The following HMCN1 variants were observed in gnomAD, a reference collection of about 807,000 sequenced individuals.
HMCN1 encodes hemicentin 1.
A neutral mutation model predicts 625.9 loss-of-function variants in HMCN1; 321 were observed. The observed-to-expected ratio is 0.51, with a 90% CI of 0.47 to 0.56. The LOEUF (loss-of-function observed/expected upper bound fraction) is 0.56. Among genes scored for constraint, HMCN1 ranks in the 20% least tolerant of loss-of-function variants. The probability of loss-of-function intolerance (pLI) is 0.00; values close to 1 mark genes in which losing one functional copy is unlikely to be tolerated. For synonymous variants in HMCN1, 2,425 were observed against 2,417.6 expected, an observed-to-expected ratio of 1.00 and a Z score of -0.09; for missense variants, 6,588 against 6,887.3, an observed-to-expected ratio of 0.96 and a Z score of 1.54.
At chr1:185,743,982 GTTTTTTTTTTTTTT>G (rs1214723950) in intron 1 of HMCN1, among the ~76,000 whole-genome samples, 2 of 88,140 alleles carry the variant, frequency 2.3e-5, no homozygotes, top group Non-Finnish European at 4.4e-5. Flanking sequence ...TTACTGTTTT[GTTTTTTTTTTTTTT>G]TTTTTTTTTT....
Position 186,119,993 on chromosome 1 carries a change from T to A in HMCN1, c.12095-18T>A, listed in dbSNP as rs777551654. The A allele has an allele frequency of 6.2e-7, 1 of 1,613,914 alleles. No individual in the cohort carries two copies. Among genetic ancestry groups the A allele is most frequent in the Admixed American group, 1.7e-5 (1 of 59,990 alleles). On this transcript the variant is annotated intron_variant, in intron 79 of 106. Transcript: ENST00000271588. ...GGCTTTTTTTTTTCCCCACTCTGCTTTTGTAACTATGTTGTAGGCAGAAAC... is the reference window on the plus strand; with the variant it reads ...GGCTTTTTTTTTTCCCCACTCTGCTATTGTAACTATGTTGTAGGCAGAAAC...
chr1:185,745,086 T>G (rs1053471117), intron 1 of HMCN1, among the ~76,000 whole-genome samples: 1 of 152,138 alleles, frequency 6.6e-6, no homozygotes, highest in African/African-American at 2.4e-5. Context: ...AGGTTAAAAT[T>G]TGAAATTAGC....
chr1:185,912,372 C>T (rs1341806084), intron 6 of HMCN1, among the ~76,000 whole-genome samples: 1 of 152,054 alleles, frequency 6.6e-6, no homozygotes, highest in Non-Finnish European at 1.5e-5. Context: ...TATTCATTTT[C>T]TTCTTTAGCA....
intron 6 of HMCN1, among the ~76,000 whole-genome samples, chr1:185,914,845 C>T (rs1666612946): frequency 6.6e-6 from 1 of 151,454 alleles, no homozygotes; most frequent in Non-Finnish European, 1.5e-5. Flanking sequence ...GTCTCTTTTT[C>T]TATAGACCAG....
chr1:185,769,244 T>C (rs1162978731), intron 1 of HMCN1, among the ~76,000 whole-genome samples: 2 of 152,028 alleles, frequency 1.3e-5, no homozygotes, highest in Non-Finnish European at 2.9e-5. Flanking sequence ...GCCCAGGAGC[T>C]TAAGACCAGC....
At chr1:186,005,219 A>G (rs1233513573) in intron 29 of HMCN1, among the ~76,000 whole-genome samples, 11 of 127,406 alleles carry the variant, frequency 8.6e-5, no homozygotes, top group African/African-American at 3.2e-4. Flanking sequence ...AAATGTTTAT[A>G]AACAATTTTT....
In HMCN1 at chr1:186,178,625, C is replaced by T. The variant is rs758362934; in HGVS notation, c.16153C>T (p.Gln5385Ter). 6.2e-7 allele frequency: 1 copy of T among 1,614,134 alleles called. No individual in the cohort carries two copies. The highest frequency in any genetic ancestry group is 8.5e-7 in the Non-Finnish European group (1 of 1,179,982). Reference protein sequence around the residue: ...FSPVRNNYQPQQHYRQYSHLY... With the variant: ...FSPVRNNYQP Reference sequence around the variant, plus strand: ...CCCTGTGAGAAACAACTATCAACCTCAACAGCATTACAGACAGTACTCACA... The same window carrying T: ...CCCTGTGAGAAACAACTATCAACCTTAACAGCATTACAGACAGTACTCACA... Residue 5385 changes from glutamine to a stop codon, truncating the protein, a stop_gained, in exon 104 of 107, where the codon CAA becomes TAA. Coordinates refer to ENST00000271588, the MANE Select transcript of HMCN1 (RefSeq NM_031935.3). LOFTEE classifies it high-confidence loss of function.
chr1:185,863,623 G>A (rs961258482), intron 2 of HMCN1, among the ~76,000 whole-genome samples: 3 of 152,124 alleles, frequency 2.0e-5, no homozygotes, highest in African/African-American at 4.8e-5. Flanking sequence ...GTATAAAAGT[G>A]TAAATACAGC....
At chr1:186,146,335 G>A (rs1017950380) in intron 93 of HMCN1, among the ~76,000 whole-genome samples, 19 of 152,200 alleles carry the variant, frequency 1.2e-4, no homozygotes, top group Admixed American at 9.8e-4. Flanking sequence ...TGAGGAGAAA[G>A]AATAAGAGGA....
intron 11 of HMCN1, among the ~76,000 whole-genome samples, chr1:185,946,475 C>T (rs184074436): frequency 1.3e-3 from 204 of 152,318 alleles, no homozygotes; most frequent in Non-Finnish European, 2.5e-3. Context: ...TGATTTGCCA[C>T]TCTTTTCTAA....
At chr1:186,064,794 A>G (rs1364945433) in intron 48 of HMCN1, among the ~76,000 whole-genome samples, 3 of 130,660 alleles carry the variant, frequency 2.3e-5, no homozygotes, top group Non-Finnish European at 4.6e-5. Flanking sequence ...TGGGTCACAG[A>G]GTGAGACTTC....
intron 7 of HMCN1, 43 bp from the exon 8 acceptor site, chr1:185,923,347 T>C: frequency 6.8e-7 from 1 of 1,475,214 alleles, no homozygotes; most frequent in Non-Finnish European, 9.4e-7. Context: ...ATAACTTCAA[T>C]TGCTTGTTTC....
intron 1 of HMCN1, among the ~76,000 whole-genome samples, chr1:185,803,204 G>GCAAAAAAAAAAAAAAAAA (rs1658921582): frequency 4.2e-5 from 1 of 23,716 alleles, no homozygotes; most frequent in African/African-American, 2.0e-4. Context: ...AAAAAAAAAA[G>GCAAAAAAAAAAAAAAAAA]CAAAAAAAAA....
chr1:186,124,164 T>G (rs1661531609), intron 81 of HMCN1, among the ~76,000 whole-genome samples: 1 of 152,164 alleles, frequency 6.6e-6, no homozygotes, highest in African/African-American at 2.4e-5. Flanking sequence ...AAGAAATTGT[T>G]AATAAGTTTC....
At chr1:186,099,824 GAGACA>G (rs1271645104) in intron 68 of HMCN1, among the ~76,000 whole-genome samples, 1 of 152,120 alleles carries the variant, frequency 6.6e-6, no homozygotes. Context: ...AGAGTAGCAA[GAGACA>G]AGACAAGAAC....
In HMCN1 at chr1:186,015,283, G is replaced by A. The variant is rs995057859; in HGVS notation, c.4755G>A (p.Gly1585=). ...PMPAITWYKD[G]QPIMSSSQAL... is the part of the protein sequence containing the mutation. ...CTGCCATTACTTGGTATAAGGACGG[G>A]CAGCCAATCATGTCCAGCTCACAAG... is the stretch of plus-strand genomic sequence containing the variant. Residue 1585 remains glycine (G), a synonymous_variant, in exon 31 of 107, where the codon GGG becomes GGA. Coordinates refer to ENST00000271588, the MANE Select transcript of HMCN1 (RefSeq NM_031935.3). 1 of 1,613,712 alleles carries A rather than the reference G, an allele frequency of 6.2e-7. No homozygotes were observed. Among genetic ancestry groups the A allele is most frequent in the African/African-American group, 1.3e-5 (1 of 75,002 alleles).
chr1:185,997,841 C>T (rs1035826511), intron 25 of HMCN1, among the ~76,000 whole-genome samples: 1 of 148,448 alleles, frequency 6.7e-6, no homozygotes, highest in Admixed American at 6.7e-5. Flanking sequence ...TTTGTCTTTA[C>T]AATGTGATAG....
At chr1:185,765,172 A>T (rs1353703712) in intron 1 of HMCN1, among the ~76,000 whole-genome samples, 1 of 152,180 alleles carries the variant, frequency 6.6e-6, no homozygotes, top group East Asian at 1.9e-4. Flanking sequence ...TATAATGGTG[A>T]TTAATCAACT....
At chr1:186,175,265 GATCT>G (rs1380273478) in intron 103 of HMCN1, among the ~76,000 whole-genome samples, 12 of 152,148 alleles carry the variant, frequency 7.9e-5, no homozygotes, top group Admixed American at 7.2e-4. Context: ...TCAAGAAACT[GATCT>G]ATCAAATTGT....
Sources: allele counts gnomAD v4.1 joint callset (sites outside exome capture counted in the v4.1 genomes callset), GRCh38; gene constraint gnomAD v4.1.1; transcripts MANE v1.5; gene names NCBI Gene and HGNC (gene_info 2026-07-23, HGNC 2026-07-21).